Variants in TBCD observed in about 807,000 individuals in gnomAD.
The protein encoded by TBCD is tubulin-specific chaperone D.
In TBCD, 105 loss-of-function variants were observed where a neutral mutation model predicts 169.3. That is an observed-to-expected ratio of 0.62 (90% CI 0.53 to 0.73). TBCD has a LOEUF of 0.73. Among genes scored for constraint, TBCD ranks in the 30% least tolerant of loss-of-function variants. TBCD has a pLI of 0.00. For missense variants in TBCD, 1,444 were observed against 1,600.1 expected (o/e 0.90, Z 1.66); for synonymous variants, 700 against 643.9 (o/e 1.09, Z -1.32).
At chr17:82,840,980 T>A in intron 13 of TBCD, among the ~76,000 whole-genome samples, 1 of 139,958 alleles carries the variant, frequency 7.1e-6, no homozygotes, top group African/African-American at 2.7e-5. Context: ...TTTTTTTTTT[T>A]TTTGAGACAG....
At chr17:82,815,861 T>G (rs1051487212) in intron 13 of TBCD, among the ~76,000 whole-genome samples, 3 of 152,186 alleles carry the variant, frequency 2.0e-5, no homozygotes, top group African/African-American at 7.2e-5. Flanking sequence ...TTTTAATGTC[T>G]CTGCTTATTT....
chr17:82,844,205 C>CAGTGTGTGTGTGTGTGTGTGTG (rs2054795659), intron 13 of TBCD, among the ~76,000 whole-genome samples: 1 of 5,794 alleles, frequency 1.7e-4, no homozygotes, highest in African/African-American at 4.8e-4. Context: ...TGGATGTTCT[C>CAGTGTGTGTGTGTGTGTGTGTG]CGTGTGTGTG....
At chr17:82,839,027 A>G (rs2145412240) in intron 13 of TBCD, 7 of 959,976 alleles carry the variant, frequency 7.3e-6, no homozygotes, top group Non-Finnish European at 8.7e-6. Flanking sequence ...ACCCTTTTGT[A>G]TCTGTGTCTA....
chr17:82,872,569 G>A (rs2146010857), intron 14 of TBCD, among the ~76,000 whole-genome samples: 1 of 152,380 alleles, frequency 6.6e-6, no homozygotes, highest in East Asian at 1.9e-4. Flanking sequence ...CCTCAGGAAA[G>A]GCTCTTCCTG....
intron 2 of TBCD, among the ~76,000 whole-genome samples, chr17:82,758,246 G>A (rs922147446): frequency 2.6e-5 from 4 of 151,088 alleles, no homozygotes; most frequent in East Asian, 1.9e-4. Context: ...AAAATTAGCC[G>A]CGTGTGGTGC....
chr17:82,897,434 C>T (rs1159050514), intron 17 of TBCD, among the ~76,000 whole-genome samples: 1 of 150,286 alleles, frequency 6.7e-6, no homozygotes, highest in Non-Finnish European at 1.5e-5. Flanking sequence ...AGGAGAATCA[C>T]TTGATCCCGG....
intron 14 of TBCD, among the ~76,000 whole-genome samples, chr17:82,882,951 C>T (rs1353776508): frequency 6.6e-6 from 1 of 152,200 alleles, no homozygotes; most frequent in Admixed American, 6.5e-5. Context: ...CCTGCGCTGC[C>T]AGGCTGGAGC....
At chr17:82,848,592 A>G (rs1301883416) in intron 13 of TBCD, among the ~76,000 whole-genome samples, 5 of 152,212 alleles carry the variant, frequency 3.3e-5, no homozygotes, top group Non-Finnish European at 5.9e-5. Flanking sequence ...GTGCCTCTAC[A>G]TGCACAGCAG....
At chr17:82,938,762 C>G (rs191151905) in intron 36 of TBCD, among the ~76,000 whole-genome samples, 1 of 140,598 alleles carries the variant, frequency 7.1e-6, no homozygotes, top group Non-Finnish European at 1.6e-5. Context: ...AGATTGCTTC[C>G]CTGATGAAAA....
intron 9 of TBCD, among the ~76,000 whole-genome samples, chr17:82,805,559 T>C (rs1191320730): frequency 2.0e-5 from 3 of 152,096 alleles, no homozygotes; most frequent in Non-Finnish European, 4.4e-5. Flanking sequence ...GCCGGGTGCT[T>C]CCCCAGGGAA....
At chr17:82,758,384 G>GAAAAAAAAAAAAAAAAAAAA (rs71168146) in intron 2 of TBCD, among the ~76,000 whole-genome samples, 35 of 24,906 alleles carry the variant, frequency 1.4e-3, no homozygotes, top group Admixed American at 3.1e-3. Context: ...AAACGTCTCG[G>GAAAAAAAAAAAAAAAAAAAA]AAAAAAAAAA....
rs1368878946 is a variant in TBCD, at chr17:82,874,677, C to T, written c.1475+4297C>T. Among the ~76,000 whole-genome samples the T allele has an allele frequency of 2.6e-5, 4 of 152,186 alleles. No homozygotes were observed. Among genetic ancestry groups the T allele is most frequent in the South Asian group, 4.1e-4 (2 of 4,836 alleles). ...TTGGCCCACGCAGACTCCAGGCATC[C>T]GGCCGGGCGGGCTGTGAGTCAGGCT... is the stretch of plus-strand genomic sequence containing the variant. On this transcript the variant is annotated intron_variant, in intron 14 of 38. Coordinates refer to ENST00000355528, the MANE Select transcript of TBCD (RefSeq NM_005993.5). This position sits in a 1 kb window ranked among gnomAD's most constrained non-coding sequence, Gnocchi z 5.0.
chr17:82,809,805 G>T (rs777028274), intron 12 of TBCD, 23 bp downstream of exon 12: 34 of 1,610,890 alleles, frequency 2.1e-5, no homozygotes. Flanking sequence ...AGCAGGGGAG[G>T]CGTGTGGGCC....
chr17:82,913,079 A>C (rs2060760269), intron 23 of TBCD: 1 of 152,286 alleles, frequency 6.6e-6, no homozygotes, highest in Non-Finnish European at 1.5e-5. Flanking sequence ...CGACGTACCC[A>C]TGGGTGCCCG....
At chr17:82,918,627 G>A (rs1455796500) in intron 23 of TBCD, 8 of 152,272 alleles carry the variant, frequency 5.3e-5, no homozygotes, top group Admixed American at 3.9e-4. Flanking sequence ...GCCTTTTCAT[G>A]TCTACCACTG....
At chr17:82,927,082 C>G (rs962172102) in intron 28 of TBCD, 104 bp from the exon 29 acceptor site, 6 of 1,530,846 alleles carry the variant, frequency 3.9e-6, no homozygotes, top group Middle Eastern at 1.7e-4. Flanking sequence ...CTGGACTGTT[C>G]TGAGCGTGTC....
chr17:82,945,450 A>G lies in TBCD; in HGVS notation c.*2987A>G, dbSNP rs996038885. ...CTGTAAGAAGGACAGAGTGATATAA[A>G]CGACTACCAATTTCCCAGCAGCAGC... On this transcript the variant is annotated 3_prime_UTR_variant, in exon 39 of 39. Coordinates refer to ENST00000355528, the MANE Select transcript of TBCD (RefSeq NM_005993.5). 1.3e-5 allele frequency: 2 copies of G among 152,222 alleles called. No individual in the cohort carries two copies. Among genetic ancestry groups the G allele is most frequent in the African/African-American group, 4.8e-5 (2 of 41,458 alleles). 9.4% of individuals were successfully genotyped at this position (152,222 alleles called of 1,614,324 possible). A position where few individuals can be genotyped will look rare whatever the true frequency, so the allele number is the denominator to read the frequency against.
chr17:82,852,678 G>T (rs550331902), intron 13 of TBCD, among the ~76,000 whole-genome samples: 10 of 152,328 alleles, frequency 6.6e-5, no homozygotes, highest in African/African-American at 2.4e-4. Context: ...GGCACTCGGG[G>T]GCACTGGGGT....
intron 6 of TBCD, among the ~76,000 whole-genome samples, chr17:82,772,995 A>G (rs1195613800): frequency 6.6e-6 from 1 of 152,228 alleles, no homozygotes; most frequent in Admixed American, 6.5e-5. Flanking sequence ...TGTTGGAAAG[A>G]TACCAAGGAT....
Sources: allele counts gnomAD v4.1 joint callset (sites outside exome capture counted in the v4.1 genomes callset), GRCh38; gene constraint gnomAD v4.1.1; non-coding constraint Gnocchi (gnomAD v3.1); transcripts MANE v1.5; gene names NCBI Gene and HGNC (gene_info 2026-07-23, HGNC 2026-07-21).